TJP1: variants seen among roughly 807,000 people sequenced by gnomAD.
TJP1 encodes the protein tight junction protein 1.
Under a neutral mutation model 194.2 loss-of-function variants are expected in TJP1, and 43 were observed. That is an observed-to-expected ratio of 0.22 (90% CI 0.17 to 0.29). TJP1 has a LOEUF of 0.29. Ranked by LOEUF, TJP1 falls within the 10% of genes least tolerant of loss-of-function variation. The pLI is 1.00. For missense variants in TJP1, 1,971 were observed against 2,185.7 expected (o/e 0.90, Z 1.96); for synonymous variants, 801 against 779.0 (o/e 1.03, Z -0.47).
chr15:29,851,506 G>T (rs1211431639), intron 2 of TJP1, among the ~76,000 whole-genome samples: 1 of 152,056 alleles, frequency 6.6e-6, no homozygotes, highest in Non-Finnish European at 1.5e-5. Context: ...AGTTTCCAGG[G>T]CCAGATGGTT....
intron 2 of TJP1, among the ~76,000 whole-genome samples, chr15:29,840,165 G>C (rs1336675847): frequency 6.6e-6 from 1 of 152,114 alleles, no homozygotes; most frequent in East Asian, 1.9e-4. Flanking sequence ...TGCGATTTGC[G>C]AATGCAGTAT....
chr15:29,840,938 T>C (rs1340790023), intron 2 of TJP1, among the ~76,000 whole-genome samples: 1 of 152,152 alleles, frequency 6.6e-6, no homozygotes, highest in African/African-American at 2.4e-5. Context: ...AAGGCTTTCC[T>C]AGGAGATAGC....
chr15:29,705,464 T>C (rs1195025741), intron 26 of TJP1, 64 bp downstream of exon 26: 1 of 1,504,692 alleles, frequency 6.6e-7, no homozygotes, highest in Non-Finnish European at 9.1e-7. Context: ...CACTATAAGC[T>C]CTGAAGTGCA....
At chr15:29,859,220 A>G (rs1156257073) in intron 2 of TJP1, among the ~76,000 whole-genome samples, 5 of 152,254 alleles carry the variant, frequency 3.3e-5, no homozygotes, top group Admixed American at 1.3e-4. Context: ...TATATAGAAC[A>G]AAAGGTCGGA....
rs1240605643 is a variant in TJP1, at chr15:29,751,539, GACA to G, written c.1011-8761_1011-8759del. 2.6e-5 allele frequency among the ~76,000 whole-genome samples: 4 copies of G among 152,304 alleles called. No individual in the cohort carries two copies. In the East Asian group the frequency reaches 7.7e-4, roughly 29 times the overall value. On this transcript the variant is annotated intron_variant, in intron 8 of 27. Transcript: ENST00000614355. ...TTCAAAAGTAATTTTCATGGATATG[GACA>G]ACTTTTAGTAAGAAACAACTGAGGA...
At chr15:29,956,874 C>T (rs1311769213) in intron 1 of TJP1, among the ~76,000 whole-genome samples, 2 of 148,006 alleles carry the variant, frequency 1.4e-5, no homozygotes, top group Non-Finnish European at 3.0e-5. Context: ...AGAGTAAGAC[C>T]CTGTCTCATT....
chr15:29,734,418 T>A, intron 11 of TJP1, 36 bp from the exon 12 acceptor site: 1 of 1,472,740 alleles, frequency 6.8e-7, no homozygotes, highest in Non-Finnish European at 9.4e-7. Flanking sequence ...TTCTTGGCTG[T>A]TTAAGAATAT....
At chr15:29,705,422 G>A in intron 26 of TJP1, 106 bp downstream of exon 26, 2 of 1,176,652 alleles carry the variant, frequency 1.7e-6, no homozygotes, top group Non-Finnish European at 2.4e-6. Context: ...GCACTCATCT[G>A]GAGATAGAGA....
intron 1 of TJP1, among the ~76,000 whole-genome samples, chr15:29,806,720 CT>C (rs1274368526): frequency 6.6e-6 from 1 of 152,182 alleles, no homozygotes; most frequent in Non-Finnish European, 1.5e-5. Context: ...CAGATGACCC[CT>C]GCCCTTCAAT....
intron 15 of TJP1, chr15:29,729,006 C>T (rs570027290): frequency 6.6e-6 from 1 of 152,278 alleles, no homozygotes; most frequent in South Asian, 2.1e-4. Context: ...GTGGAGTAAA[C>T]CTGATTAAAC....
At chr15:29,804,378 C>G (rs1283270633) in intron 1 of TJP1, among the ~76,000 whole-genome samples, 1 of 152,144 alleles carries the variant, frequency 6.6e-6, no homozygotes, top group African/African-American at 2.4e-5. Context: ...TAGTAAATCA[C>G]TCAGAAATCA....
At chr15:29,789,644 G>A (rs1411518378) in intron 2 of TJP1, among the ~76,000 whole-genome samples, 1 of 152,184 alleles carries the variant, frequency 6.6e-6, no homozygotes, top group Non-Finnish European at 1.5e-5. Flanking sequence ...AGCAGAAAAT[G>A]TTAGGTTCTC....
In TJP1 at chr15:29,873,460, C is replaced by G. The variant is rs537280447; in HGVS notation, c.307-72758G>C. Among the ~76,000 whole-genome samples the G allele has an allele frequency of 9.3e-4, 142 of 152,346 alleles. 4 individuals carry two copies. In the South Asian group the frequency reaches 0.027, roughly 29 times the overall value. The stretch of plus-strand genomic sequence containing the variant: ...TCCTGCGGTCCCTACTCCCAGGGAT[C>G]AAGCCTGGCTGCTACAACTCTGTGT... On this transcript the variant is annotated intron_variant, in intron 2 of 28. Coordinates refer to the TJP1 transcript ENST00000356107.
intron 27 of TJP1, among the ~76,000 whole-genome samples, chr15:29,703,710 T>C (rs995274642): frequency 2.0e-5 from 3 of 152,008 alleles, no homozygotes; most frequent in Non-Finnish European, 2.9e-5. Flanking sequence ...TGGCACGATC[T>C]TGGCTCACTG....
At position 29,822,158 on chromosome 15, in the gene TJP1, G is replaced by A; in HGVS notation, c.-130C>T. The A allele has an allele frequency of 2.5e-6, 3 of 1,183,182 alleles. No individual in the cohort carries two copies. Among genetic ancestry groups the A allele is most frequent in the African/African-American group, 1.6e-5 (1 of 62,396 alleles). 73.3% of individuals were successfully genotyped at this position (1,183,182 alleles called of 1,614,324 possible). A position where few individuals can be genotyped will look rare whatever the true frequency, so the allele number is the denominator to read the frequency against. ...GAGCGGGGCACGGGCGGGGGCGGCC[G>A]GAAGGGCCCGGCCCAGGGGGAGGGA... On this transcript the variant is annotated 5_prime_UTR_variant, in exon 1 of 28. Transcript: ENST00000614355.
intron 27 of TJP1, among the ~76,000 whole-genome samples, chr15:29,703,844 T>C (rs1465344846): frequency 8.5e-5 from 13 of 152,106 alleles, no homozygotes; most frequent in Non-Finnish European, 4.4e-5. Flanking sequence ...GGTTTCACCA[T>C]GTTGGTCAGG....
chr15:29,885,513 T>C (rs1481137786), intron 2 of TJP1, among the ~76,000 whole-genome samples: 1 of 152,266 alleles, frequency 6.6e-6, no homozygotes, highest in Non-Finnish European at 1.5e-5. Flanking sequence ...ATGCTTGGGC[T>C]ATGGCCATGC....
At chr15:29,719,208 T>G in intron 20 of TJP1, 70 bp from the exon 21 acceptor site, 1 of 1,420,724 alleles carries the variant, frequency 7.0e-7, no homozygotes, top group Non-Finnish European at 9.5e-7. Context: ...TAGACTGTGA[T>G]TAAATATTAA....
intron 23 of TJP1, among the ~76,000 whole-genome samples, chr15:29,713,912 T>G (rs2042392440): frequency 6.6e-6 from 1 of 152,192 alleles, no homozygotes. Flanking sequence ...AAAATCAAAC[T>G]GAGTTCTGAG....
Sources: gnomAD v4.1 joint callset for allele counts (sites outside exome capture counted in the v4.1 genomes callset) on GRCh38, gnomAD v4.1.1 for gene constraint, MANE v1.5 for transcripts, NCBI Gene and HGNC (gene_info 2026-07-23, HGNC 2026-07-21) for gene names.